The following QTMAN variants were observed in gnomAD, a reference collection of about 807,000 sequenced individuals.
The protein encoded by QTMAN is queuosine-tRNA mannosyltransferase.
the QTMAN span, among the ~76,000 whole-genome samples, chr2:144,238,119 G>A: frequency 9.2e-5 from 14 of 152,300 alleles, no homozygotes; most frequent in South Asian, 1.0e-3. Flanking sequence ...CTAACTTCCT[G>A]TATTCACAAA....
the QTMAN span, among the ~76,000 whole-genome samples, chr2:144,200,306 G>C: frequency 6.6e-6 from 1 of 152,166 alleles, no homozygotes; most frequent in Non-Finnish European, 1.5e-5. Context: ...CATTTATTCT[G>C]ATAGTGTCTC....
At chr2:144,262,644 G>C in the QTMAN span, among the ~76,000 whole-genome samples, 1 of 96,442 alleles carries the variant, frequency 1.0e-5, no homozygotes, top group African/African-American at 4.1e-5. Context: ...AGGGAGAGGG[G>C]AGGGGAGATG....
At chr2:144,281,183 G>C in the QTMAN span, among the ~76,000 whole-genome samples, 1 of 150,636 alleles carries the variant, frequency 6.6e-6, no homozygotes, top group Non-Finnish European at 1.5e-5. Flanking sequence ...GCCTGGGAGA[G>C]AGTGAAACAA....
At chr2:144,206,628 G>A in the QTMAN span, among the ~76,000 whole-genome samples, 1 of 152,174 alleles carries the variant, frequency 6.6e-6, no homozygotes, top group East Asian at 1.9e-4. Context: ...TTGTTAGGCG[G>A]TGGAGGTTAT....
chr2:143,977,375 C>T, the QTMAN span, among the ~76,000 whole-genome samples: 1 of 152,270 alleles, frequency 6.6e-6, no homozygotes, highest in South Asian at 2.1e-4. Context: ...GTCTCCACTC[C>T]ACTTCCAGGC....
chr2:144,268,212 C>G, the QTMAN span, among the ~76,000 whole-genome samples: 1 of 152,144 alleles, frequency 6.6e-6, no homozygotes, highest in Admixed American at 6.5e-5. Flanking sequence ...TTCTCTCTTC[C>G]TCCCTCTAAT....
At chr2:143,953,185 T>C in the QTMAN span, among the ~76,000 whole-genome samples, 1 of 151,862 alleles carries the variant, frequency 6.6e-6, no homozygotes, top group Non-Finnish European at 1.5e-5. Context: ...ACAGCTTTTC[T>C]TAATAATGCT....
the QTMAN span, among the ~76,000 whole-genome samples, chr2:144,031,381 CATAGATAGTGCTAAGAGTTGCTCTTGTAG>C: frequency 3.2e-4 from 49 of 152,180 alleles, no homozygotes; most frequent in Non-Finnish European, 5.4e-4. Flanking sequence ...CAGGTGGCTA[CATAGATAGTGCTAAGAGTTGCTCTTGTAG>C]ACTCGAACAA....
chr2:144,197,927 A>G, the QTMAN span, among the ~76,000 whole-genome samples: 1 of 152,112 alleles, frequency 6.6e-6, no homozygotes, highest in African/African-American at 2.4e-5. Context: ...ATTTCCCCTT[A>G]TTTAAATCCC....
At chr2:144,223,160 C>G in the QTMAN span, among the ~76,000 whole-genome samples, 1 of 152,060 alleles carries the variant, frequency 6.6e-6, no homozygotes, top group Non-Finnish European at 1.5e-5. Flanking sequence ...CATTTCATCA[C>G]ATTTCATTTT....
At chr2:144,131,593 T>C in the QTMAN span, among the ~76,000 whole-genome samples, 1 of 151,898 alleles carries the variant, frequency 6.6e-6, no homozygotes, top group Non-Finnish European at 1.5e-5. Flanking sequence ...ATCTATAGTC[T>C]TACCACCTCC....
At chr2:144,004,020 T>C in the QTMAN span, among the ~76,000 whole-genome samples, 7 of 152,008 alleles carry the variant, frequency 4.6e-5, no homozygotes, top group African/African-American at 9.7e-5. Flanking sequence ...AGAATCCAAA[T>C]TGCCCTCTCC....
chr2:144,246,781 C>T, the QTMAN span, among the ~76,000 whole-genome samples: 6 of 152,182 alleles, frequency 3.9e-5, no homozygotes, highest in East Asian at 1.9e-4. Context: ...CCTTGAATCT[C>T]CTCTTCATCC....
At chr2:144,276,235 T>C in the QTMAN span, among the ~76,000 whole-genome samples, 1 of 151,988 alleles carries the variant, frequency 6.6e-6, no homozygotes, top group Non-Finnish European at 1.5e-5. Context: ...GTTATAGAAA[T>C]GGGGTCTTAC....
At chr2:144,017,194 G>A in the QTMAN span, among the ~76,000 whole-genome samples, 1 of 151,848 alleles carries the variant, frequency 6.6e-6, no homozygotes, top group Non-Finnish European at 1.5e-5. Context: ...TAGTAGAGAC[G>A]GGGTTTCACC....
At chr2:144,181,652 A>G in the QTMAN span, among the ~76,000 whole-genome samples, 1 of 151,982 alleles carries the variant, frequency 6.6e-6, no homozygotes, top group Non-Finnish European at 1.5e-5. Context: ...CTCCGCTAAA[A>G]ATACAAAAAT....
the QTMAN span, among the ~76,000 whole-genome samples, chr2:144,230,009 T>A: frequency 6.6e-6 from 1 of 152,064 alleles, no homozygotes; most frequent in South Asian, 2.1e-4. Context: ...TGAAAATCCA[T>A]GTGATATAAA....
chr2:144,108,009 G>T, the QTMAN span, among the ~76,000 whole-genome samples: 2 of 152,138 alleles, frequency 1.3e-5, no homozygotes, highest in African/African-American at 4.8e-5. Context: ...CAAACCACAT[G>T]ATTATCTCAA....
At chr2:144,082,629 C>G in the QTMAN span, among the ~76,000 whole-genome samples, 2 of 152,008 alleles carry the variant, frequency 1.3e-5, no homozygotes, top group Non-Finnish European at 2.9e-5. Flanking sequence ...GGCACATATA[C>G]CATAGCCCTT....
Sources: gnomAD v4.1 joint callset for allele counts (sites outside exome capture counted in the v4.1 genomes callset) on GRCh38, gnomAD v4.1.1 for gene constraint, MANE v1.5 for transcripts, NCBI Gene and HGNC (gene_info 2026-07-23, HGNC 2026-07-21) for gene names.